Variants in TPRA1 observed in about 807,000 individuals in gnomAD.
TPRA1 encodes the protein transmembrane protein adipocyte-associated 1.
Under a neutral mutation model 40.1 loss-of-function variants are expected in TPRA1, and 28 were observed. The observed-to-expected ratio is 0.70, with a 90% CI of 0.52 to 0.96. The LOEUF (loss-of-function observed/expected upper bound fraction) is 0.96. TPRA1 is among the 40% of genes least tolerant of loss of function. TPRA1 has a pLI of 0.00. For missense variants in TPRA1, 441 were observed against 482.6 expected (o/e 0.91, Z 0.81); for synonymous variants, 219 against 209.7 (o/e 1.04, Z -0.38).
At chr3:127,586,039 C>G (rs1013331410) in intron 1 of TPRA1, among the ~76,000 whole-genome samples, 2 of 152,212 alleles carry the variant, frequency 1.3e-5, no homozygotes. Flanking sequence ...CAGAGTGGCT[C>G]TGGTCGAAGT....
chr3:127,573,841 G>A, intron 10 of TPRA1, 53 bp from the exon 11 acceptor site: 1 of 1,514,836 alleles, frequency 6.6e-7, no homozygotes, highest in Non-Finnish European at 8.9e-7. Context: ...TTCAGGAAGA[G>A]CCTTCCTCTC....
At chr3:127,575,147 C>T (rs757239447) in intron 10 of TPRA1, 38 bp downstream of exon 10, 17 of 1,604,298 alleles carry the variant, frequency 1.1e-5, no homozygotes, top group African/African-American at 1.3e-5. Context: ...GCAGTTCCGC[C>T]GGCAGCCACG....
In TPRA1 at chr3:127,576,171, G is replaced by T; in HGVS notation, c.499-121C>A. 2.6e-6 allele frequency: 2 copies of T among 765,484 alleles called. No individual in the cohort carries two copies. Among genetic ancestry groups the T allele is most frequent in the Admixed American group, 4.7e-5 (2 of 42,774 alleles). The allele number at this position is 765,484 out of a possible 1,614,324, so 47.4% of individuals were successfully genotyped here. A position where few individuals can be genotyped will look rare whatever the true frequency, so the allele number is the denominator to read the frequency against. On this transcript the variant is annotated intron_variant, in intron 6 of 10. Coordinates refer to ENST00000355552, the MANE Select transcript of TPRA1 (RefSeq NM_001136053.4). The surrounding 1 kb of genome is among the most constrained non-coding windows in gnomAD (Gnocchi z 4.6). ...CACACCAAGTTCAGCCTCTTGGCCTGACCCTCAACTCACCTGCCCCAGTCT... is the reference window on the plus strand; with the variant it reads ...CACACCAAGTTCAGCCTCTTGGCCTTACCCTCAACTCACCTGCCCCAGTCT...
chr3:127,597,810 G>A (rs1576408475), intron 1 of TPRA1, among the ~76,000 whole-genome samples: 1 of 151,158 alleles, frequency 6.6e-6, no homozygotes, highest in African/African-American at 2.4e-5. Context: ...AACCTCTGCT[G>A]TCTTTTTTTT....
At chr3:127,597,337 C>T (rs1479118396) in intron 1 of TPRA1, among the ~76,000 whole-genome samples, 1 of 152,224 alleles carries the variant, frequency 6.6e-6, no homozygotes, top group Non-Finnish European at 1.5e-5. Context: ...CTCGTTCAAT[C>T]CACTTCCACC....
rs1370751095 is a variant in TPRA1, at chr3:127,575,922, C to A, written c.609+18G>T. 6.2e-7 allele frequency: 1 copy of A among 1,613,324 alleles called. No individual in the cohort carries two copies. The highest frequency in any genetic ancestry group is 1.7e-5 in the Admixed American group (1 of 60,028). On this transcript the variant is annotated intron_variant, in intron 7 of 10. Transcript: ENST00000355552. ...CCTAAGGCCCCAGCCACCCCAGCTG[C>A]CCCAGCCTGAACCTCACCAGGAAGA...
At chr3:127,588,549 T>C (rs2074072063) in intron 1 of TPRA1, among the ~76,000 whole-genome samples, 1 of 151,758 alleles carries the variant, frequency 6.6e-6, no homozygotes, top group South Asian at 2.1e-4. Context: ...GCCTCCTGAG[T>C]AGCTGGGATT....
At chr3:127,577,115 G>C (rs774170446) in intron 3 of TPRA1, 39 bp from the exon 4 acceptor site, 7 of 1,606,428 alleles carry the variant, frequency 4.4e-6, no homozygotes, top group Non-Finnish European at 6.0e-6. Context: ...CAGGGAACAA[G>C]AGCCTCTGCA....
At position 127,575,447 on chromosome 3, in the gene TPRA1, C is replaced by A. The variant is rs773040925; in HGVS notation, c.729G>T (p.Gly243=). 1.2e-6 allele frequency: 2 copies of A among 1,603,310 alleles called. No individual in the cohort carries two copies. Among genetic ancestry groups the A allele is most frequent in the South Asian group, 1.1e-5 (1 of 89,522 alleles). The change falls in exon 9 of 11, where the codon GGG becomes GGT. Residue 243 remains glycine, a synonymous_variant. Coordinates refer to ENST00000355552, the MANE Select transcript of TPRA1 (RefSeq NM_001136053.4). ...GILALLNLLQ[G]LGSVLLCFDI... ...CGAAGCACAGCAGCACACTCCCCAG[C>A]CCCTGCAGTAGGTTGAGCAGTGCCA...
In TPRA1 at chr3:127,572,633, G is replaced by A. The variant is rs999271212; in HGVS notation, c.*888C>T. ...GCTAAAAATAAGAGCTATCCTTATCGTTCATTACTGTACGCCAGCCACTCG... is the reference window on the plus strand; with the variant it reads ...GCTAAAAATAAGAGCTATCCTTATCATTCATTACTGTACGCCAGCCACTCG... On this transcript the variant is annotated 3_prime_UTR_variant, in exon 11 of 11. Coordinates refer to ENST00000355552, the MANE Select transcript of TPRA1 (RefSeq NM_001136053.4). Among the ~76,000 whole-genome samples the A allele has an allele frequency of 6.6e-6, 1 of 152,156 alleles. No individual in the cohort carries two copies. Among genetic ancestry groups the A allele is most frequent in the Non-Finnish European group, 1.5e-5 (1 of 68,044 alleles).
intron 1 of TPRA1, among the ~76,000 whole-genome samples, chr3:127,597,455 T>G (rs1490976563): frequency 2.0e-5 from 3 of 152,334 alleles, no homozygotes; most frequent in East Asian, 3.9e-4. Context: ...AGTCAAACTC[T>G]CTAGAAAAAC....
In TPRA1 at chr3:127,573,756, C is replaced by T; in HGVS notation, c.887G>A (p.Cys296Tyr). ...TGGCTCCTCTGTCTCGTCCACTTGG[C>T]ATTTGTAGGAGAAGAGGATCTTGGG... ...SEPKILFSYK[C>Y]QVDETEEPDV... Residue 296 changes from cysteine (C) to tyrosine (Y), a missense_variant, in exon 11 of 11, where the codon TGC becomes TAC. Transcript: ENST00000355552. 1 of 1,585,368 alleles carries T rather than the reference C, an allele frequency of 6.3e-7. No homozygotes were observed. The highest frequency in any genetic ancestry group is 1.3e-5 in the African/African-American group (1 of 74,282).
intron 1 of TPRA1, chr3:127,587,245 C>T (rs988664918): frequency 2.6e-5 from 4 of 152,180 alleles, no homozygotes; most frequent in Non-Finnish European, 5.9e-5. Flanking sequence ...CCACCTTGAC[C>T]TCACGCTCAG....
rs748908078 is a variant in TPRA1, at chr3:127,575,181, T to A, written c.854+4A>T. 6.2e-7 allele frequency: 1 copy of A among 1,613,518 alleles called. No individual in the cohort carries two copies. The highest frequency in any genetic ancestry group is 1.1e-5 in the South Asian group (1 of 91,072). ...CGCGGGGGCGCCGGCGGCCACAGAC[T>A]CACCCGAAGAAGCCCCGGAGGAAAG... On this transcript the variant is annotated splice_donor_region_variant and intron_variant, in intron 10 of 10. Coordinates refer to ENST00000355552, the MANE Select transcript of TPRA1 (RefSeq NM_001136053.4).
rs1436900151 is a variant in TPRA1 at position 127,573,601 on chromosome 3, C to A, written c.1042G>T (p.Asp348Tyr). Residue 348 changes from aspartate to tyrosine, a missense_variant, in exon 11 of 11, where the codon GAT becomes TAT. Physicochemically the swap from Asp to Tyr is radical, Grantham distance 160. Coordinates refer to ENST00000355552, the MANE Select transcript of TPRA1 (RefSeq NM_001136053.4). ...FDSAGGVAYLDDIASMPCHTG... is the reference protein window; with the variant it reads ...FDSAGGVAYLYDIASMPCHTG... Reference sequence around the variant, plus strand: ...TGGCAGGGCATGGAAGCGATGTCATCCAGGTAGGCCACCCCGCCGGCAGAG... The same window carrying A: ...TGGCAGGGCATGGAAGCGATGTCATACAGGTAGGCCACCCCGCCGGCAGAG... 2.5e-6 allele frequency: 4 copies of A among 1,613,070 alleles called. No homozygotes were observed. The highest frequency in any genetic ancestry group is 1.3e-5 in the African/African-American group (1 of 74,934).
chr3:127,596,350 AT>A (rs1405432409), intron 1 of TPRA1, among the ~76,000 whole-genome samples: 4 of 152,206 alleles, frequency 2.6e-5, no homozygotes, highest in Non-Finnish European at 5.9e-5. Flanking sequence ...AAGTGCTGGG[AT>A]TACAGGTGTG....
At chr3:127,591,399 C>G (rs556298229), upstream of TPRA1, among the ~76,000 whole-genome samples, 29 of 152,328 alleles carry the variant, frequency 1.9e-4, 1 homozygote, top group South Asian at 3.3e-3. Context: ...AATGAGGAAG[C>G]GACACAGCCA....
chr3:127,575,034 G>C, intron 10 of TPRA1, 151 bp downstream of exon 10: 1 of 789,466 alleles, frequency 1.3e-6, no homozygotes, highest in East Asian at 2.7e-5. Context: ...ATGTGTATCT[G>C]TATGTGTGTG....
At chr3:127,581,691 T>C (rs1335511913) in intron 1 of TPRA1, among the ~76,000 whole-genome samples, 2 of 151,686 alleles carry the variant, frequency 1.3e-5, no homozygotes, top group Non-Finnish European at 2.9e-5. Flanking sequence ...GGCGGGCAGA[T>C]TGCCTGAGCT....
Sources: allele counts gnomAD v4.1 joint callset (sites outside exome capture counted in the v4.1 genomes callset), GRCh38; gene constraint gnomAD v4.1.1; non-coding constraint Gnocchi (gnomAD v3.1); transcripts MANE v1.5; gene names NCBI Gene and HGNC (gene_info 2026-07-23, HGNC 2026-07-21).